The following EYS variants were observed in gnomAD, a reference collection of about 807,000 sequenced individuals.
The protein encoded by EYS is protein eyes shut homolog.
A neutral mutation model predicts 282.1 loss-of-function variants in EYS; 250 were observed. That is an observed-to-expected ratio of 0.89 (90% CI 0.80 to 0.98). The LOEUF (loss-of-function observed/expected upper bound fraction) is 0.98, where lower values mean the gene tolerates loss of function less well. Ranked by LOEUF, EYS falls within the 50% of genes least tolerant of loss-of-function variation. EYS has a pLI of 0.00. For synonymous variants in EYS, 1,355 were observed against 1,282.9 expected (o/e 1.06, Z -1.20); for missense variants, 4,016 against 3,709.0 (o/e 1.08, Z -2.15).
At chr6:64,434,868 G>C (rs1774686755) in intron 28 of EYS, among the ~76,000 whole-genome samples, 1 of 152,010 alleles carries the variant, frequency 6.6e-6, no homozygotes, top group African/African-American at 2.4e-5. Flanking sequence ...CCTGAGGCCA[G>C]AACAGCTTCT....
intron 39 of EYS, chr6:63,787,049 T>G (rs1218471348): frequency 1.3e-5 from 2 of 152,174 alleles, no homozygotes; most frequent in African/African-American, 4.8e-5. Flanking sequence ...CTCAAGGTCC[T>G]GAATTTTCTA....
chr6:65,243,978 C>T (rs1017901621), intron 12 of EYS, among the ~76,000 whole-genome samples: 4 of 152,152 alleles, frequency 2.6e-5, no homozygotes, highest in Admixed American at 2.6e-4. Context: ...AGTTTTTGAA[C>T]CAATAAAGAT....
intron 29 of EYS, among the ~76,000 whole-genome samples, chr6:64,324,635 A>G (rs1770339392): frequency 6.6e-6 from 1 of 152,218 alleles, no homozygotes; most frequent in African/African-American, 2.4e-5. Flanking sequence ...CAGGCAACAG[A>G]AATAAATTAA....
At chr6:65,567,033 T>C (rs1031439452) in intron 2 of EYS, among the ~76,000 whole-genome samples, 2 of 151,918 alleles carry the variant, frequency 1.3e-5, no homozygotes, top group African/African-American at 4.8e-5. Flanking sequence ...TAAAGGTGCT[T>C]AGATCATGAG....
intron 22 of EYS, among the ~76,000 whole-genome samples, chr6:64,642,361 T>C (rs546270468): frequency 6.6e-6 from 1 of 152,334 alleles, no homozygotes; most frequent in South Asian, 2.1e-4. Flanking sequence ...TGAAAAATTA[T>C]GGTAGCTGAG....
At chr6:64,909,125 G>T (rs774184519) in intron 16 of EYS, among the ~76,000 whole-genome samples, 2 of 152,058 alleles carry the variant, frequency 1.3e-5, no homozygotes, top group African/African-American at 2.4e-5. Context: ...TCAATTCCTT[G>T]AGGGCATATC....
intron 14 of EYS, among the ~76,000 whole-genome samples, chr6:64,997,023 G>A (rs763459801): frequency 1.2e-4 from 19 of 152,170 alleles, no homozygotes; most frequent in Non-Finnish European, 2.5e-4. Context: ...ATGAGGAGCC[G>A]GAGGGGATCC....
chr6:64,579,922 C>A (rs2149823455), intron 26 of EYS, among the ~76,000 whole-genome samples: 1 of 152,190 alleles, frequency 6.6e-6, no homozygotes, highest in East Asian at 1.9e-4. Flanking sequence ...TTGACCTGTT[C>A]AAAGTCACTC....
At chr6:65,393,906 A>G (rs1562147933) in intron 7 of EYS, among the ~76,000 whole-genome samples, 1 of 152,200 alleles carries the variant, frequency 6.6e-6, no homozygotes, top group East Asian at 1.9e-4. Flanking sequence ...ATATCTCAGA[A>G]TTTTGGAGGA....
chr6:64,339,700 T>C (rs146194256), intron 29 of EYS, among the ~76,000 whole-genome samples: 2 of 151,852 alleles, frequency 1.3e-5, no homozygotes, highest in East Asian at 3.9e-4. Context: ...TGCAGCACAA[T>C]TGGATGGAAT....
chr6:64,864,597 G>C (rs79485148), intron 19 of EYS, among the ~76,000 whole-genome samples: 2 of 149,654 alleles, frequency 1.3e-5, no homozygotes, highest in Non-Finnish European at 3.0e-5. Flanking sequence ...TGTTGGCTAC[G>C]ATAGTCTCGA....
At chr6:64,733,958 A>T (rs558671204) in intron 22 of EYS, 1 of 153,338 alleles carries the variant, frequency 6.5e-6, no homozygotes, top group African/African-American at 2.4e-5. Context: ...TTATTTTTTA[A>T]AGAAATGAAG....
At chr6:64,879,336 G>A (rs7771761) in intron 19 of EYS, among the ~76,000 whole-genome samples, 11 of 151,832 alleles carry the variant, frequency 7.2e-5, no homozygotes, top group Non-Finnish European at 1.6e-4. Flanking sequence ...TTTTCAGTTA[G>A]CATTTTGATG....
intron 12 of EYS, among the ~76,000 whole-genome samples, chr6:65,116,291 TAAAC>T (rs1775371820): frequency 6.6e-6 from 1 of 152,124 alleles, no homozygotes; most frequent in Non-Finnish European, 1.5e-5. Context: ...CCACCTACAA[TAAAC>T]AAAAGAAGTC....
At chr6:65,200,186 G>A (rs917525657) in intron 12 of EYS, among the ~76,000 whole-genome samples, 1 of 148,030 alleles carries the variant, frequency 6.8e-6, no homozygotes, top group Non-Finnish European at 1.5e-5. Context: ...TAATTCTGAA[G>A]CTCTCAGCCT....
chr6:65,026,790 G>A (rs533491801), intron 13 of EYS, among the ~76,000 whole-genome samples: 8 of 152,024 alleles, frequency 5.3e-5, no homozygotes, highest in Non-Finnish European at 1.0e-4. Context: ...GGTGGCGGGC[G>A]CCTGTAATCC....
chr6:64,047,329 A>G (rs1472525947), intron 33 of EYS, among the ~76,000 whole-genome samples: 3 of 152,214 alleles, frequency 2.0e-5, no homozygotes, highest in African/African-American at 7.2e-5. Flanking sequence ...TGGGACCATC[A>G]TCAGCAAAAA....
At chr6:64,887,396 G>T (rs552747492) in intron 18 of EYS, among the ~76,000 whole-genome samples, 4 of 151,702 alleles carry the variant, frequency 2.6e-5, no homozygotes, top group Non-Finnish European at 5.9e-5. Flanking sequence ...AAATCTGCAC[G>T]TTGTGCACAT....
chr6:65,687,718 GGCAACTTCA>G (rs1188242875), intron 1 of EYS, among the ~76,000 whole-genome samples: 1 of 152,024 alleles, frequency 6.6e-6, no homozygotes, highest in Non-Finnish European at 1.5e-5. Context: ...TAAGCTGATA[GGCAACTTCA>G]GCAAAGTCTC....
Sources: gnomAD v4.1 joint callset for allele counts (sites outside exome capture counted in the v4.1 genomes callset) on GRCh38, gnomAD v4.1.1 for gene constraint, MANE v1.5 for transcripts, NCBI Gene and HGNC (gene_info 2026-07-23, HGNC 2026-07-21) for gene names.